The following TBC1D22A variants were observed in gnomAD, a reference collection of about 807,000 sequenced individuals.
TBC1D22A encodes TBC1 domain family member 22A.
A neutral mutation model predicts 60.2 loss-of-function variants in TBC1D22A; 38 were observed. The observed-to-expected ratio is 0.63, with a 90% confidence interval of 0.49 to 0.83. The LOEUF is 0.83. TBC1D22A is among the 40% of genes least tolerant of loss of function. The pLI is 0.00. For synonymous variants in TBC1D22A, 302 were observed against 281.7 expected, an observed-to-expected ratio of 1.07 and a Z score of -0.72; for missense variants, 628 against 701.0, an observed-to-expected ratio of 0.90 and a Z score of 1.18.
rs547917331 is a variant in TBC1D22A at position 47,161,430 on chromosome 22, T to C, written c.1426-12068T>C. 9.2e-5 allele frequency among the ~76,000 whole-genome samples: 14 copies of C among 152,324 alleles called. No homozygotes were observed. The South Asian group carries it at 1.9e-3, about 20-fold the overall frequency. ...GAGTTGCCAGCATCGTTATGTTTTT[T>C]TCAACCACAGATTTTTTAACTGCTA... On this transcript the variant is annotated intron_variant, in intron 12 of 12. Transcript: ENST00000337137.
At chr22:47,079,302 G>C (rs1453724935) in intron 11 of TBC1D22A, among the ~76,000 whole-genome samples, 2 of 152,066 alleles carry the variant, frequency 1.3e-5, no homozygotes, top group African/African-American at 4.8e-5. Flanking sequence ...GGCCAGGCTG[G>C]TGTTGAACTC....
At chr22:46,995,500 G>T (rs1410431529) in intron 9 of TBC1D22A, among the ~76,000 whole-genome samples, 8 of 150,594 alleles carry the variant, frequency 5.3e-5, no homozygotes, top group African/African-American at 1.8e-4. Context: ...TGCTCTGCGT[G>T]TGTGCACGCA....
At chr22:46,935,851 T>G (rs1374327220) in intron 8 of TBC1D22A, among the ~76,000 whole-genome samples, 1 of 151,626 alleles carries the variant, frequency 6.6e-6, no homozygotes, top group Non-Finnish European at 1.5e-5. Context: ...CTCTGAACTC[T>G]GACCCCGTGT....
intron 4 of TBC1D22A, among the ~76,000 whole-genome samples, chr22:46,824,202 C>T (rs767650611): frequency 6.6e-6 from 1 of 152,068 alleles, no homozygotes; most frequent in Non-Finnish European, 1.5e-5. Flanking sequence ...TCAGCTGGAC[C>T]ACTTTTTGGG....
chr22:47,028,375 TCGCA>T lies in TBC1D22A; in HGVS notation c.1202-8695_1202-8692del. ...CGGCCCAGGTTCTGAGAGTGAGTGG[TCGCA>T]TTCCTGTCCCTCGGTCCCTGTCCCC... On this transcript the variant is annotated intron_variant, in intron 10 of 12. Transcript: ENST00000337137. This position sits in a 1 kb window ranked among gnomAD's most constrained non-coding sequence, Gnocchi z 4.4. 7.1e-6 allele frequency among the ~76,000 whole-genome samples: 1 copy of T among 141,474 alleles called. No individual in the cohort carries two copies. The highest frequency in any genetic ancestry group is 2.7e-5 in the African/African-American group (1 of 36,900). 92.8% of individuals were successfully genotyped at this position (141,474 alleles called of 152,430 possible).
intron 4 of TBC1D22A, among the ~76,000 whole-genome samples, chr22:46,803,433 A>G (rs1303900971): frequency 6.6e-6 from 1 of 151,842 alleles, no homozygotes; most frequent in Non-Finnish European, 1.5e-5. Context: ...CTTGTTGGAG[A>G]TCTCGCTTCT....
rs527676256 is a variant in TBC1D22A at position 46,767,017 on chromosome 22, T to C, written c.62+4169T>C. 1.2e-4 allele frequency among the ~76,000 whole-genome samples: 19 copies of C among 152,348 alleles called. No individual in the cohort carries two copies. The South Asian group carries it at 3.1e-3, about 25-fold the overall frequency. On this transcript the variant is annotated intron_variant, in intron 1 of 12. Transcript: ENST00000337137. ...ATTGTCAGTACCGATACCTGGTGTTTATTCCGAACTATCTCCTCGATTAGC... is the reference window on the plus strand; with the variant it reads ...ATTGTCAGTACCGATACCTGGTGTTCATTCCGAACTATCTCCTCGATTAGC...
At chr22:47,079,325 G>A (rs1161800935) in intron 11 of TBC1D22A, among the ~76,000 whole-genome samples, 1 of 152,126 alleles carries the variant, frequency 6.6e-6, no homozygotes, top group Admixed American at 6.5e-5. Flanking sequence ...GACCTCAGGT[G>A]ATCCACTTGC....
intron 4 of TBC1D22A, among the ~76,000 whole-genome samples, chr22:46,840,141 C>T (rs2086687930): frequency 6.6e-6 from 1 of 152,180 alleles, no homozygotes. Flanking sequence ...AGGAAATAAT[C>T]ATCAGAGTGA....
At chr22:46,998,867 C>T (rs556047339) in intron 10 of TBC1D22A, among the ~76,000 whole-genome samples, 1 of 152,346 alleles carries the variant, frequency 6.6e-6, no homozygotes, top group South Asian at 2.1e-4. Context: ...TCCGTCAGTG[C>T]GTTCATGTGC....
intron 12 of TBC1D22A, among the ~76,000 whole-genome samples, chr22:47,172,745 G>A (rs973892719): frequency 3.9e-5 from 6 of 152,206 alleles, no homozygotes; most frequent in East Asian, 1.9e-4. Flanking sequence ...GCTGGGCCTC[G>A]GGGTGGAGTC....
chr22:47,165,699 G>A (rs573690249), intron 12 of TBC1D22A, among the ~76,000 whole-genome samples: 1 of 152,138 alleles, frequency 6.6e-6, no homozygotes, highest in Non-Finnish European at 1.5e-5. Flanking sequence ...CCTAAAAGAC[G>A]GAGGGGTCAA....
intron 4 of TBC1D22A, among the ~76,000 whole-genome samples, chr22:46,845,891 C>T (rs996672752): frequency 3.9e-5 from 6 of 152,276 alleles, no homozygotes; most frequent in Middle Eastern, 6.8e-3. Flanking sequence ...AGGAAGGAAC[C>T]GCGGCGAGCC....
chr22:47,006,566 CG>C (rs2061598300), intron 10 of TBC1D22A, among the ~76,000 whole-genome samples: 1 of 152,216 alleles, frequency 6.6e-6, no homozygotes, highest in South Asian at 2.1e-4. Flanking sequence ...CCACCCAGGC[CG>C]GATGGCGGCC....
intron 7 of TBC1D22A, among the ~76,000 whole-genome samples, chr22:46,905,216 T>C (rs1487604914): frequency 6.6e-6 from 1 of 152,152 alleles, no homozygotes; most frequent in African/African-American, 2.4e-5. Context: ...TTTTGCCATT[T>C]CAAAACACCA....
Position 47,169,203 on chromosome 22 carries a change from G to T in TBC1D22A, c.1426-4295G>T, listed in dbSNP as rs112531323. On this transcript the variant is annotated intron_variant, in intron 12 of 12. Transcript: ENST00000337137. ...CCTGCATGGTGGTGTGTGAGTCAGG[G>T]CTCCACTTCTGCCTGGGTGGTGTGG... Among the ~76,000 whole-genome samples, 1,095 of 152,314 alleles carry T rather than the reference G, an allele frequency of 7.2e-3. 16 individuals carry two copies. Among genetic ancestry groups the T allele is most frequent in the African/African-American group, 0.025 (1,047 of 41,570 alleles).
intron 8 of TBC1D22A, among the ~76,000 whole-genome samples, chr22:46,930,499 A>G (rs1309172795): frequency 1.3e-5 from 2 of 152,050 alleles, no homozygotes; most frequent in African/African-American, 2.4e-5. Context: ...TCTGTCACCC[A>G]GGCTGGAGTG....
chr22:46,929,991 G>C (rs2071264630), intron 8 of TBC1D22A, among the ~76,000 whole-genome samples: 1 of 152,114 alleles, frequency 6.6e-6, no homozygotes, highest in Non-Finnish European at 1.5e-5. Context: ...TGCAGTGCCT[G>C]AGTCAGCATC....
chr22:46,771,757 C>A (rs1041200111), intron 1 of TBC1D22A, among the ~76,000 whole-genome samples: 1 of 151,876 alleles, frequency 6.6e-6, no homozygotes, highest in Non-Finnish European at 1.5e-5. Flanking sequence ...ACCATGCCCG[C>A]CTAATTTTTG....
Sources: gnomAD v4.1 joint callset for allele counts (sites outside exome capture counted in the v4.1 genomes callset) on GRCh38, gnomAD v4.1.1 for gene constraint, Gnocchi (gnomAD v3.1) non-coding constraint, MANE v1.5 for transcripts, NCBI Gene and HGNC (gene_info 2026-07-23, HGNC 2026-07-21) for gene names.